GLRA3: variants seen among roughly 807,000 people sequenced by gnomAD.
GLRA3 encodes glycine receptor subunit alpha-3.
In GLRA3, 44 loss-of-function variants were observed where a neutral mutation model predicts 60.4. The ratio of observed to expected loss-of-function variants is 0.73; its 90% CI spans 0.57 to 0.94. GLRA3 has a LOEUF of 0.94. Ranked by LOEUF, GLRA3 falls within the 40% of genes least tolerant of loss-of-function variation. The pLI is 0.00. For missense variants in GLRA3, 508 were observed against 564.6 expected (o/e 0.90, Z 1.02); for synonymous variants, 223 against 192.9 (o/e 1.16, Z -1.29).
At chr4:174,785,974 C>T in intron 2 of GLRA3, among the ~76,000 whole-genome samples, 1 of 123,962 alleles carries the variant, frequency 8.1e-6, no homozygotes. Context: ...AGATGGGTGT[C>T]TCAGAGCTGG....
chr4:174,718,384 A>C (rs377258751), intron 4 of GLRA3, among the ~76,000 whole-genome samples: 2 of 152,254 alleles, frequency 1.3e-5, no homozygotes, highest in Non-Finnish European at 2.9e-5. Flanking sequence ...GACAAGATAC[A>C]TAAACAGGAT....
chr4:174,825,522 A>G (rs1350180207), intron 1 of GLRA3, among the ~76,000 whole-genome samples: 3 of 152,170 alleles, frequency 2.0e-5, no homozygotes, highest in Non-Finnish European at 4.4e-5. Flanking sequence ...TGATATGGCA[A>G]GAAAGTAATC....
At chr4:174,645,638 G>C (rs1342381388) in intron 9 of GLRA3, among the ~76,000 whole-genome samples, 3 of 152,012 alleles carry the variant, frequency 2.0e-5, no homozygotes, top group African/African-American at 7.2e-5. Flanking sequence ...ATGATTATTG[G>C]AAAATATTTC....
At chr4:174,738,541 G>A (rs1344559124) in intron 3 of GLRA3, among the ~76,000 whole-genome samples, 4 of 152,172 alleles carry the variant, frequency 2.6e-5, no homozygotes, top group Non-Finnish European at 5.9e-5. Flanking sequence ...TAAACTTGAG[G>A]AAATTCATAT....
chr4:174,646,059 G>T (rs1732800639), intron 9 of GLRA3, among the ~76,000 whole-genome samples: 1 of 152,134 alleles, frequency 6.6e-6, no homozygotes, highest in African/African-American at 2.4e-5. Flanking sequence ...TGTGTTAAAA[G>T]ACATCTATCT....
chr4:174,677,521 G>A (rs1040160475), intron 6 of GLRA3, among the ~76,000 whole-genome samples: 11 of 140,618 alleles, frequency 7.8e-5, no homozygotes, highest in South Asian at 2.4e-4. Flanking sequence ...CACCAAGCCC[G>A]GCTAATTTTT....
intron 9 of GLRA3, among the ~76,000 whole-genome samples, chr4:174,652,800 G>A (rs1449439099): frequency 1.3e-5 from 2 of 152,096 alleles, no homozygotes; most frequent in Non-Finnish European, 2.9e-5. Context: ...ATTAACACAT[G>A]TGTGAGGCAA....
rs551704368 is a variant in GLRA3, at chr4:174,745,790, G to GA, written c.268-17093dup. ...ATAAGGAACTTGAACAACTCAATAG[G>GA]AAAAAAAAAAAAAGTTCCAAATAAT... On this transcript the variant is annotated intron_variant, in intron 3 of 9. Transcript: ENST00000274093. 3.5e-3 allele frequency among the ~76,000 whole-genome samples: 482 copies of GA among 138,926 alleles called. 1 individual carries two copies. Among genetic ancestry groups the GA allele is most frequent in the Admixed American group, 4.4e-3 (61 of 13,766 alleles). The allele number at this position is 138,926 out of a possible 152,430, so 91.1% of individuals were successfully genotyped here.
At chr4:174,785,317 T>C (rs1739079449) in intron 2 of GLRA3, among the ~76,000 whole-genome samples, 1 of 152,182 alleles carries the variant, frequency 6.6e-6, no homozygotes, top group African/African-American at 2.4e-5. Flanking sequence ...TTTTTAATAG[T>C]TGTTTTCCCA....
intron 1 of GLRA3, 84 bp from the exon 2 acceptor site, chr4:174,789,027 G>T: frequency 3.6e-6 from 3 of 836,254 alleles, no homozygotes; most frequent in Non-Finnish European, 5.5e-6. Flanking sequence ...TAGAAATGCT[G>T]AGCTAAATAT....
intron 3 of GLRA3, among the ~76,000 whole-genome samples, chr4:174,752,113 A>G: frequency 6.6e-6 from 1 of 152,246 alleles, no homozygotes; most frequent in South Asian, 2.1e-4. Flanking sequence ...GCTAGTTATA[A>G]TATGAAAAGA....
chr4:174,721,548 G>C (rs11725853), intron 4 of GLRA3, among the ~76,000 whole-genome samples: 22,365 of 151,264 alleles, frequency 0.15, 1,986 homozygotes, highest in South Asian at 0.21. Flanking sequence ...TAAGAATGAG[G>C]CACTAAAAAC....
chr4:174,640,282 A>G lies in GLRA3; in HGVS notation c.*3504T>C, dbSNP rs1412947777. 6.6e-6 allele frequency: 1 copy of G among 152,094 alleles called. No homozygotes were observed. The highest frequency in any genetic ancestry group is 1.5e-5 in the Non-Finnish European group (1 of 67,982). 9.4% of individuals were successfully genotyped at this position (152,094 alleles called of 1,614,324 possible). On this transcript the variant is annotated 3_prime_UTR_variant, in exon 10 of 10. Coordinates refer to ENST00000274093, the MANE Select transcript of GLRA3 (RefSeq NM_006529.4). The stretch of plus-strand genomic sequence containing the variant: ...TTTTTAGGGGACACCTGTGAAAAAC[A>G]ATGCTGTCAGTTTCCTTCTTTTCCA...
chr4:174,707,349 A>G (rs1363946644), intron 5 of GLRA3, among the ~76,000 whole-genome samples: 1 of 152,194 alleles, frequency 6.6e-6, no homozygotes, highest in African/African-American at 2.4e-5. Flanking sequence ...AAGGTAAAGT[A>G]CTTTGTATTT....
chr4:174,722,986 A>G (rs1736188447), intron 4 of GLRA3: 1 of 167,280 alleles, frequency 6.0e-6, no homozygotes, highest in East Asian at 1.9e-4. Context: ...TTGAATTCAT[A>G]CTGAAAGACA....
At chr4:174,804,516 A>G (rs1739955290) in intron 1 of GLRA3, among the ~76,000 whole-genome samples, 1 of 152,144 alleles carries the variant, frequency 6.6e-6, no homozygotes, top group Non-Finnish European at 1.5e-5. Flanking sequence ...TAAGAGACAT[A>G]TAATTAATAA....
intron 1 of GLRA3, among the ~76,000 whole-genome samples, chr4:174,814,480 A>T (rs1410829083): frequency 6.6e-6 from 1 of 151,946 alleles, no homozygotes; most frequent in East Asian, 1.9e-4. Context: ...CCACTCTGCC[A>T]CTCTGCCAGT....
chr4:174,795,600 A>C (rs964895186), intron 1 of GLRA3, among the ~76,000 whole-genome samples: 7 of 152,208 alleles, frequency 4.6e-5, no homozygotes, highest in Admixed American at 3.3e-4. Flanking sequence ...TTTACTACTA[A>C]TAAAATTAAA....
intron 3 of GLRA3, among the ~76,000 whole-genome samples, chr4:174,755,186 T>C (rs557468068): frequency 6.6e-6 from 1 of 152,248 alleles, no homozygotes; most frequent in South Asian, 2.1e-4. Context: ...AGTTCTCTTT[T>C]TGGAAAAAAA....
Sources: gnomAD v4.1 joint callset for allele counts (sites outside exome capture counted in the v4.1 genomes callset) on GRCh38, gnomAD v4.1.1 for gene constraint, MANE v1.5 for transcripts, NCBI Gene and HGNC (gene_info 2026-07-23, HGNC 2026-07-21) for gene names.